The following NOTCH2NLR variants were observed in gnomAD, a reference collection of about 807,000 sequenced individuals.
The protein encoded by NOTCH2NLR is notch 2 N-terminal like R (pseudogene).
A neutral mutation model predicts 35.6 loss-of-function variants in NOTCH2NLR; 33 were observed. The ratio of observed to expected loss-of-function variants is 0.93; its 90% CI spans 0.70 to 1.24. The LOEUF is 1.24. Among genes scored for constraint, NOTCH2NLR ranks in the 50% most tolerant of loss-of-function variants. The probability of loss-of-function intolerance (pLI) is 0.00; values close to 1 mark genes in which losing one functional copy is unlikely to be tolerated. For missense variants in NOTCH2NLR, 276 were observed against 362.2 expected, an observed-to-expected ratio of 0.76 and a Z score of 1.93; for synonymous variants, 103 against 141.0, an observed-to-expected ratio of 0.73 and a Z score of 1.91.
Position 120,765,781 on chromosome 1 carries a change from G to T in NOTCH2NLR, c.155+2072G>T, listed in dbSNP as rs1334585599. ...TAAAGAAAATGTGGCATGTATACACGATGGAATACTATGCAGCCATAAAAA... is the reference window on the plus strand; with the variant it reads ...TAAAGAAAATGTGGCATGTATACACTATGGAATACTATGCAGCCATAAAAA... On this transcript the variant is annotated intron_variant, in intron 2 of 4. Coordinates refer to ENST00000624419, the Ensembl canonical transcript of NOTCH2NLR. 2.3e-5 allele frequency among the ~76,000 whole-genome samples: 3 copies of T among 128,066 alleles called. No homozygotes were observed. The South Asian group carries it at 7.1e-4, about 30-fold the overall frequency. The allele number at this position is 128,066 out of a possible 152,430, so 84.0% of individuals were successfully genotyped here.
chr1:120,743,680 T>C (rs1381037881), intron 1 of NOTCH2NLR, among the ~76,000 whole-genome samples: 2 of 97,072 alleles, frequency 2.1e-5, no homozygotes, highest in Middle Eastern at 4.4e-3. Context: ...GCAAAGTTGC[T>C]GCATGCAGAT....
At chr1:120,775,509 ACAGT>A (rs1241859976) in intron 2 of NOTCH2NLR, among the ~76,000 whole-genome samples, 1 of 105,622 alleles carries the variant, frequency 9.5e-6, no homozygotes, top group Non-Finnish European at 1.7e-5. Flanking sequence ...TTTAGACTAA[ACAGT>A]AAGCTTTTTA....
chr1:120,765,882 A>G (rs1328300773), intron 2 of NOTCH2NLR, among the ~76,000 whole-genome samples: 1 of 114,690 alleles, frequency 8.7e-6, no homozygotes, highest in East Asian at 2.1e-4. Flanking sequence ...ACACAGGAAC[A>G]GAAAACCAAA....
chr1:120,743,815 C>T (rs1650955978), intron 1 of NOTCH2NLR, among the ~76,000 whole-genome samples: 1 of 127,558 alleles, frequency 7.8e-6, no homozygotes, highest in South Asian at 2.4e-4. Flanking sequence ...GATAAAAGCA[C>T]ATTTAACAAA....
In NOTCH2NLR at chr1:120,785,109, A is replaced by C; in HGVS notation, c.291A>C (p.Thr97=). 2.8e-6 allele frequency: 4 copies of C among 1,446,376 alleles called. 1 individual carries two copies. Among genetic ancestry groups the C allele is most frequent in the Non-Finnish European group, 3.7e-6 (4 of 1,082,370 alleles). The allele number at this position is 1,446,376 out of a possible 1,614,324, so 89.6% of individuals were successfully genotyped here. ...CGTGCCGGTGTGCCTCAGGGTTTAC[A>C]GGAGAGGACTGCCAGTACTCGACAC... The change falls in exon 3 of 5, where the codon ACA becomes ACC. Residue 97 remains threonine (T), a synonymous_variant. Transcript: ENST00000624419.
downstream of NOTCH2NLR, among the ~76,000 whole-genome samples, chr1:120,794,494 A>G (rs1432341734): frequency 1.8e-5 from 2 of 112,756 alleles, no homozygotes; most frequent in East Asian, 2.2e-4. Flanking sequence ...AATTGCCTCA[A>G]AAAGAAGTTG....
At position 120,754,713 on chromosome 1, in the gene NOTCH2NLR, A is replaced by G. The variant is rs1439366590; in HGVS notation, c.74-8915A>G. Among the ~76,000 whole-genome samples, 5 of 114,174 alleles carry G rather than the reference A, an allele frequency of 4.4e-5. 1 individual carries two copies. Among genetic ancestry groups the G allele is most frequent in the African/African-American group, 1.1e-4 (2 of 18,976 alleles). 74.9% of individuals were successfully genotyped at this position (114,174 alleles called of 152,430 possible). A position where few individuals can be genotyped will look rare whatever the true frequency, so the allele number is the denominator to read the frequency against. The stretch of plus-strand genomic sequence containing the variant: ...TCAGCTAGTTTTTACCATAATACAC[A>G]TGGCTTAAGATTTATAGGAGGCTAA... On this transcript the variant is annotated intron_variant, in intron 1 of 4. Transcript: ENST00000624419.
Position 120,724,111 on chromosome 1 carries a change from C to T in NOTCH2NLR, c.-67C>T. ...GGGGCTCCTCTATCGGGACCCCCTCCCCATGTGGATCTGCCCAGGCGGCGG... is the reference window on the plus strand; with the variant it reads ...GGGGCTCCTCTATCGGGACCCCCTCTCCATGTGGATCTGCCCAGGCGGCGG... On this transcript the variant is annotated 5_prime_UTR_variant, in exon 1 of 5. Coordinates refer to ENST00000624419, the Ensembl canonical transcript of NOTCH2NLR. 6.0e-6 allele frequency: 8 copies of T among 1,342,364 alleles called. 1 individual carries two copies. In the Middle Eastern group the frequency reaches 7.4e-4, roughly 124 times the overall value. The allele number at this position is 1,342,364 out of a possible 1,614,324, so 83.2% of individuals were successfully genotyped here. A position where few individuals can be genotyped will look rare whatever the true frequency, so the allele number is the denominator to read the frequency against.
In NOTCH2NLR at chr1:120,747,190, G is replaced by T. The variant is rs1236860288; in HGVS notation, c.74-16438G>T. Among the ~76,000 whole-genome samples, 2 of 30,254 alleles carry T rather than the reference G, an allele frequency of 6.6e-5. 1 individual carries two copies. Among genetic ancestry groups the T allele is most frequent in the Admixed American group, 5.6e-4 (2 of 3,580 alleles). The allele number at this position is 30,254 out of a possible 152,430, so 19.8% of individuals were successfully genotyped here. A position where few individuals can be genotyped will look rare whatever the true frequency, so the allele number is the denominator to read the frequency against. On this transcript the variant is annotated intron_variant, in intron 1 of 4. Transcript: ENST00000624419. ...AATTTGAGTAGGAAGGAGCTGGAAA[G>T]GCCTGGAAGTGTGAAGTGATTGGCC...
Position 120,735,376 on chromosome 1 carries a change from A to C in NOTCH2NLR, c.73+11126A>C, listed in dbSNP as rs1465464925. On this transcript the variant is annotated intron_variant, in intron 1 of 4. Transcript: ENST00000624419. ...CACCGTGCCTGGTCCTTGCAGCTTGATTTTTTAAACATCAGATTTTTTTTT... is the reference window on the plus strand; with the variant it reads ...CACCGTGCCTGGTCCTTGCAGCTTGCTTTTTTAAACATCAGATTTTTTTTT... Among the ~76,000 whole-genome samples, 17 of 89,772 alleles carry C rather than the reference A, an allele frequency of 1.9e-4. 5 individuals are homozygous for C. The highest frequency in any genetic ancestry group is 3.2e-4 in the Non-Finnish European group (16 of 50,688). The allele number at this position is 89,772 out of a possible 152,430, so 58.9% of individuals were successfully genotyped here.
intron 2 of NOTCH2NLR, among the ~76,000 whole-genome samples, chr1:120,770,307 C>G (rs1421794013): frequency 1.9e-5 from 2 of 107,988 alleles, no homozygotes; most frequent in East Asian, 2.2e-4. Flanking sequence ...GTAGCCGGGA[C>G]TATAAGCGCC....
At chr1:120,737,658 G>A (rs1388391792) in intron 1 of NOTCH2NLR, among the ~76,000 whole-genome samples, 1 of 114,220 alleles carries the variant, frequency 8.8e-6, no homozygotes, top group Non-Finnish European at 1.7e-5. Flanking sequence ...AAAATAATTT[G>A]CCTGTGAACC....
At chr1:120,788,013 CA>C (rs1480112687) in intron 3 of NOTCH2NLR, among the ~76,000 whole-genome samples, 1 of 47,184 alleles carries the variant, frequency 2.1e-5, no homozygotes, top group Non-Finnish European at 3.5e-5. Context: ...AACACCTCAG[CA>C]GGTTGTGTTT....
chr1:120,793,162 T>A, exon 4 of NOTCH2NLR: 1 of 1,404,574 alleles, frequency 7.1e-7, no homozygotes, highest in Non-Finnish European at 9.5e-7. Context: ...TTCCTTTAGG[T>A]AAGGAGTGCC....
chr1:120,790,117 G>T (rs1341317307), intron 3 of NOTCH2NLR, among the ~76,000 whole-genome samples: 1 of 92,088 alleles, frequency 1.1e-5, no homozygotes, highest in Non-Finnish European at 1.9e-5. Flanking sequence ...CCGGGTTCAC[G>T]CCATTCTTCT....
In NOTCH2NLR at chr1:120,728,429, G is replaced by T. The variant is rs1412282399; in HGVS notation, c.73+4179G>T. On this transcript the variant is annotated intron_variant, in intron 1 of 4. Coordinates refer to ENST00000624419, the Ensembl canonical transcript of NOTCH2NLR. ...TTCCCCAGATGTTTCATTTAAACTT[G>T]TAATTTTGAATTTCTTTGTGTGTGG... 2.7e-5 allele frequency among the ~76,000 whole-genome samples: 3 copies of T among 111,290 alleles called. 1 individual carries two copies. The highest frequency in any genetic ancestry group is 3.4e-5 in the Non-Finnish European group (2 of 59,284). 73.0% of individuals were successfully genotyped at this position (111,290 alleles called of 152,430 possible).
chr1:120,729,706 TCCCTAAC>T (rs1650855670), intron 1 of NOTCH2NLR, among the ~76,000 whole-genome samples: 1 of 117,364 alleles, frequency 8.5e-6, no homozygotes, highest in Non-Finnish European at 1.6e-5. Context: ...AAGCAGTGTT[TCCCTAAC>T]TTCTCTTATG....
At chr1:120,778,525 C>G (rs1651324979) in intron 2 of NOTCH2NLR, among the ~76,000 whole-genome samples, 1 of 81,510 alleles carries the variant, frequency 1.2e-5, no homozygotes, top group South Asian at 3.3e-4. Flanking sequence ...TTTTGTAAAG[C>G]ATGCCTCTCT....
chr1:120,763,687 C>A (rs1651157604), exon 2 of NOTCH2NLR: 1 of 1,393,728 alleles, frequency 7.2e-7, no homozygotes, highest in Non-Finnish European at 9.6e-7. Context: ...TGTTACCTAC[C>A]ACAGTGGCAC....
Sources: allele counts gnomAD v4.1 joint callset (sites outside exome capture counted in the v4.1 genomes callset), GRCh38; gene constraint gnomAD v4.1.1; transcripts MANE v1.5; gene names NCBI Gene and HGNC (gene_info 2026-07-23, HGNC 2026-07-21).